Variants in ZC3H7A observed in about 807,000 individuals in gnomAD.
ZC3H7A encodes the protein zinc finger CCCH-type containing 7A.
A neutral mutation model predicts 125.5 loss-of-function variants in ZC3H7A; 44 were observed. The observed-to-expected ratio is 0.35, with a 90% CI of 0.28 to 0.45. ZC3H7A has a LOEUF of 0.45. Among genes scored for constraint, ZC3H7A ranks in the 20% least tolerant of loss-of-function variants. The pLI, the probability that ZC3H7A is intolerant of heterozygous loss-of-function variation, is 1.00. For missense variants in ZC3H7A, 977 were observed against 1,170.7 expected, an observed-to-expected ratio of 0.83 and a Z score of 2.41; for synonymous variants, 399 against 391.2, an observed-to-expected ratio of 1.02 and a Z score of -0.23.
Position 11,756,297 on chromosome 16 carries a change from A to T in ZC3H7A, c.2502T>A (p.Ser834Arg). The T allele has an allele frequency of 6.2e-7, 1 of 1,614,122 alleles. No homozygotes were observed. Among genetic ancestry groups the T allele is most frequent in the Non-Finnish European group, 8.5e-7 (1 of 1,180,010 alleles). Residue 834 changes from serine (S) to arginine (R), a missense_variant, in exon 21 of 23, where the codon AGT becomes AGA. This residue lies in a region of ZC3H7A where 436 missense variants were observed against 603.2 expected (regional missense o/e 0.72). Coordinates refer to ENST00000355758, the MANE Select transcript of ZC3H7A (RefSeq NM_014153.4). ...QKNEKSEDIA[S>R]QSNKENGKQI... ...GTTTTCCATTTTCCTTGTTTGACTG[A>T]CTGGCTATGTCTTCACTTTTTTCAT...
Position 11,797,247 on chromosome 16 carries a change from G to GGCGGCGGCAGCGGCTCGGTTGCGCCC in ZC3H7A, c.-159_-158insGGGCGCAACCGAGCCGCTGCCGCCGC, listed in dbSNP as rs1555498512. On this transcript the variant is annotated 5_prime_UTR_variant, in exon 1 of 23. Coordinates refer to ENST00000355758, the MANE Select transcript of ZC3H7A (RefSeq NM_014153.4). ...CGCTCGCAGCTCTCCCTCGGTTAGC[G>GGCGGCGGCAGCGGCTCGGTTGCGCCC]GCGGCGGCAGCGGCTCGGTTGCGCC... 2.0e-5 allele frequency: 3 copies of GGCGGCGGCAGCGGCTCGGTTGCGCCC among 151,186 alleles called. No individual in the cohort carries two copies. The highest frequency in any genetic ancestry group is 3.0e-5 in the Non-Finnish European group (2 of 67,414). The allele number at this position is 151,186 out of a possible 1,614,324, so 9.4% of individuals were successfully genotyped here.
At chr16:11,779,782 G>C (rs997733438) in intron 3 of ZC3H7A, among the ~76,000 whole-genome samples, 1 of 151,392 alleles carries the variant, frequency 6.6e-6, no homozygotes, top group African/African-American at 2.4e-5. Context: ...ACACTAGGTA[G>C]TGTGTGTGTG....
intron 2 of ZC3H7A, 25 bp downstream of exon 2, chr16:11,782,262 A>T: frequency 6.2e-7 from 1 of 1,614,066 alleles, no homozygotes. Context: ...ACGCGGCAAG[A>T]ACACAAGAAC....
rs773193295 is a variant in ZC3H7A, at chr16:11,771,004, G to T, written c.904-17C>A. 5.1e-6 allele frequency: 8 copies of T among 1,582,344 alleles called. No homozygotes were observed. The East Asian group carries it at 1.3e-4, about 27-fold the overall frequency. On this transcript the variant is annotated splice_polypyrimidine_tract_variant and intron_variant, in intron 9 of 22. Transcript: ENST00000355758. The stretch of plus-strand genomic sequence containing the variant: ...AGCTGACGGCTGCGGAAGAAAAAAA[G>T]ATGTGATTAAAATTCATGAAGCTGT...
chr16:11,777,696 G>A (rs1274719383), intron 4 of ZC3H7A, among the ~76,000 whole-genome samples: 2 of 151,596 alleles, frequency 1.3e-5, no homozygotes, highest in African/African-American at 2.4e-5. Flanking sequence ...ATTACAGCCT[G>A]GGCAACAGAG....
Position 11,767,600 on chromosome 16 carries a change from T to A in ZC3H7A, c.1361-22A>T, listed in dbSNP as rs1423840011. 3 of 1,533,716 alleles carry A rather than the reference T, an allele frequency of 2.0e-6. No individual in the cohort carries two copies. In the African/African-American group the frequency reaches 4.2e-5, roughly 21 times the overall value. ...GGGCCTGAAAAAGATGTAAAGAGGA[T>A]TGCTTATATGCACAAAAAATATCAT... On this transcript the variant is annotated intron_variant, in intron 12 of 22. Transcript: ENST00000355758.
intron 17 of ZC3H7A, 147 bp from the exon 18 acceptor site, chr16:11,762,190 C>A: frequency 7.5e-6 from 6 of 798,118 alleles, no homozygotes; most frequent in Non-Finnish European, 1.1e-5. Context: ...TATCTGATAA[C>A]TAAATCTCCA....
chr16:11,787,190 T>C (rs2053269162), intron 1 of ZC3H7A, among the ~76,000 whole-genome samples: 1 of 152,080 alleles, frequency 6.6e-6, no homozygotes, highest in Non-Finnish European at 1.5e-5. Flanking sequence ...TAGTCCTAGC[T>C]ACTCAGGAGG....
chr16:11,778,513 G>T (rs938275360), intron 4 of ZC3H7A, among the ~76,000 whole-genome samples: 1 of 150,288 alleles, frequency 6.7e-6, no homozygotes, highest in African/African-American at 2.4e-5. Flanking sequence ...ACTGGATCTT[G>T]ACTAAGATGT....
At chr16:11,771,260 C>A (rs1051355779) in intron 9 of ZC3H7A, among the ~76,000 whole-genome samples, 2 of 151,908 alleles carry the variant, frequency 1.3e-5, no homozygotes, top group African/African-American at 2.4e-5. Flanking sequence ...TGGTGGCATG[C>A]GCCTGTAGTC....
At chr16:11,773,230 G>C (rs552488957) in intron 9 of ZC3H7A, among the ~76,000 whole-genome samples, 2 of 151,972 alleles carry the variant, frequency 1.3e-5, no homozygotes, top group South Asian at 2.1e-4. Context: ...GCCCAGGCTA[G>C]AGTGCATGGC....
At chr16:11,781,822 G>A (rs1009129721) in intron 2 of ZC3H7A, among the ~76,000 whole-genome samples, 1 of 152,100 alleles carries the variant, frequency 6.6e-6, no homozygotes, top group Non-Finnish European at 1.5e-5. Flanking sequence ...GCAGTATAGA[G>A]AGAATGTCTC....
At chr16:11,768,944 CTG>C in intron 11 of ZC3H7A, 85 bp downstream of exon 11, 1 of 1,329,216 alleles carries the variant, frequency 7.5e-7, no homozygotes, top group Non-Finnish European at 1.0e-6. Flanking sequence ...TTAAGGGAGA[CTG>C]TCATGTTCAT....
chr16:11,780,556 G>A (rs533305878), intron 3 of ZC3H7A, among the ~76,000 whole-genome samples: 6 of 152,248 alleles, frequency 3.9e-5, no homozygotes, highest in South Asian at 2.1e-4. Context: ...AAGACTGGAC[G>A]GATCAACTAT....
chr16:11,769,798 T>TTTTTTTTTTTTTTTTTTTC (rs2052946232), intron 10 of ZC3H7A, among the ~76,000 whole-genome samples: 1 of 128,780 alleles, frequency 7.8e-6, no homozygotes, highest in African/African-American at 3.4e-5. Context: ...TTTTTTTTTT[T>TTTTTTTTTTTTTTTTTTTC]TTTTTTTTTG....
In ZC3H7A at chr16:11,750,833, T is replaced by C. The variant is rs776590631; in HGVS notation, c.*484A>G. 1 of 152,782 alleles carries C rather than the reference T, an allele frequency of 6.5e-6. No homozygotes were observed. Among genetic ancestry groups the C allele is most frequent in the Non-Finnish European group, 1.5e-5 (1 of 68,156 alleles). The allele number at this position is 152,782 out of a possible 1,614,324, so 9.5% of individuals were successfully genotyped here. A position where few individuals can be genotyped will look rare whatever the true frequency, so the allele number is the denominator to read the frequency against. ...ACAAATACTAGTGTTAAATGGTTAT[T>C]TGGCTTAAAATCTGAGTTAAGAAAA... On this transcript the variant is annotated 3_prime_UTR_variant, in exon 23 of 23. Transcript: ENST00000355758.
At chr16:11,772,505 T>A (rs947345815) in intron 9 of ZC3H7A, among the ~76,000 whole-genome samples, 1 of 151,766 alleles carries the variant, frequency 6.6e-6, no homozygotes, top group Non-Finnish European at 1.5e-5. Flanking sequence ...AGGAAAATGA[T>A]GCACTATGAT....
At chr16:11,768,003 T>A (rs777079504) in intron 12 of ZC3H7A, among the ~76,000 whole-genome samples, 2 of 152,180 alleles carry the variant, frequency 1.3e-5, no homozygotes, top group Non-Finnish European at 2.9e-5. Context: ...TACTTGAAAA[T>A]AATCAACTTC....
chr16:11,782,656 G>A (rs891255679), intron 1 of ZC3H7A: 17 of 216,852 alleles, frequency 7.8e-5, no homozygotes, highest in African/African-American at 4.2e-4. Context: ...TGCCCAGGCT[G>A]GAGTGCAGTG....
Sources: allele counts gnomAD v4.1 joint callset (sites outside exome capture counted in the v4.1 genomes callset), GRCh38; gene constraint gnomAD v4.1.1; regional missense constraint gnomAD v4.1.1; transcripts MANE v1.5; gene names NCBI Gene and HGNC (gene_info 2026-07-23, HGNC 2026-07-21).